Variants in NAALADL2 observed in about 807,000 individuals in gnomAD.
The protein encoded by NAALADL2 is inactive N-acetylated-alpha-linked acidic dipeptidase-like protein 2.
Under a neutral mutation model 87.2 loss-of-function variants are expected in NAALADL2, and 76 were observed. That is an observed-to-expected ratio of 0.87 (90% CI 0.72 to 1.05). NAALADL2 has a LOEUF of 1.05. Among genes scored for constraint, NAALADL2 ranks in the 50% least tolerant of loss-of-function variants. The pLI is 0.00. For synonymous variants in NAALADL2, 354 were observed against 331.0 expected (o/e 1.07, Z -0.75); for missense variants, 1,089 against 945.8 (o/e 1.15, Z -1.99).
chr3:174,608,117 A>G (rs1578298458), intron 2 of NAALADL2, among the ~76,000 whole-genome samples: 7 of 151,872 alleles, frequency 4.6e-5, no homozygotes, highest in East Asian at 2.0e-4. Flanking sequence ...TTTGAAACCA[A>G]CGAGAACAAA....
At chr3:175,800,831 G>A (rs1754059243) in intron 13 of NAALADL2, among the ~76,000 whole-genome samples, 2 of 152,234 alleles carry the variant, frequency 1.3e-5, no homozygotes, top group African/African-American at 2.4e-5. Context: ...GAAGTGTAAA[G>A]CAATGAGATC....
In NAALADL2 at chr3:174,672,526, A is replaced by G. The variant is rs181949055; in HGVS notation, c.-114-65115A>G. Among the ~76,000 whole-genome samples the G allele has an allele frequency of 1.2e-4, 18 of 152,198 alleles. 1 individual carries two copies. The highest frequency in any genetic ancestry group is 4.3e-4 in the African/African-American group (18 of 41,552). ...ATAAGTAAATAAATTAATGTAGTATAAGATCATATCTATATGATGATCATG... is the reference window on the plus strand; with the variant it reads ...ATAAGTAAATAAATTAATGTAGTATGAGATCATATCTATATGATGATCATG... On this transcript the variant is annotated intron_variant, in intron 2 of 3. Coordinates refer to the NAALADL2 transcript ENST00000434257.
chr3:175,159,206 G>GA (rs567370816), intron 2 of NAALADL2, among the ~76,000 whole-genome samples: 1 of 152,204 alleles, frequency 6.6e-6, no homozygotes, highest in African/African-American at 2.4e-5. Context: ...CAAGTGCAAT[G>GA]AAAAAATCAG....
At chr3:175,240,888 C>T (rs189387366) in intron 3 of NAALADL2, among the ~76,000 whole-genome samples, 7 of 152,150 alleles carry the variant, frequency 4.6e-5, no homozygotes, top group South Asian at 2.1e-4. Context: ...CTGGAACTCC[C>T]GACCTCAGGT....
intron 1 of NAALADL2, among the ~76,000 whole-genome samples, chr3:174,984,573 T>TTA (rs1163052081): frequency 6.6e-6 from 1 of 152,186 alleles, no homozygotes; most frequent in Non-Finnish European, 1.5e-5. Flanking sequence ...TTAAAAATCT[T>TTA]TAGCTGATTC....
chr3:174,802,188 C>A (rs569277719), intron 3 of NAALADL2, among the ~76,000 whole-genome samples: 1 of 152,046 alleles, frequency 6.6e-6, no homozygotes, highest in Admixed American at 6.6e-5. Context: ...CTATTTCTTA[C>A]AAACCCATGC....
At chr3:175,519,188 T>C (rs1459389787) in intron 9 of NAALADL2, among the ~76,000 whole-genome samples, 2 of 152,240 alleles carry the variant, frequency 1.3e-5, no homozygotes, top group African/African-American at 4.8e-5. Context: ...ATTTTCTTTA[T>C]GGCCAATTTG....
chr3:175,710,526 G>T lies in NAALADL2; in HGVS notation c.1897-26780G>T, dbSNP rs185884535. On this transcript the variant is annotated intron_variant, in intron 11 of 13. Coordinates refer to ENST00000454872, the MANE Select transcript of NAALADL2 (RefSeq NM_207015.3). Reference sequence around the variant, plus strand: ...TTTCTTCTCTGTAACTATTTCTACAGGATGAGTAAGTAGTTTCTATTATAT... The same window carrying T: ...TTTCTTCTCTGTAACTATTTCTACATGATGAGTAAGTAGTTTCTATTATAT... Among the ~76,000 whole-genome samples the T allele has an allele frequency of 1.5e-4, 22 of 151,514 alleles. No homozygotes were observed. In the East Asian group the frequency reaches 3.9e-3, roughly 27 times the overall value.
At chr3:174,923,429 G>C (rs1349698628) in intron 1 of NAALADL2, among the ~76,000 whole-genome samples, 1 of 152,026 alleles carries the variant, frequency 6.6e-6, no homozygotes, top group Non-Finnish European at 1.5e-5. Flanking sequence ...TTCTTATACA[G>C]TAGAATTCCA....
intron 4 of NAALADL2, among the ~76,000 whole-genome samples, chr3:175,314,188 T>C (rs1187742681): frequency 6.6e-6 from 1 of 151,948 alleles, no homozygotes; most frequent in African/African-American, 2.4e-5. Context: ...ATATTGCTAG[T>C]ACCATGTATT....
At chr3:174,931,293 T>C (rs2108418696) in intron 1 of NAALADL2, among the ~76,000 whole-genome samples, 1 of 152,276 alleles carries the variant, frequency 6.6e-6, no homozygotes, top group African/African-American at 2.4e-5. Flanking sequence ...TCATGGGTTC[T>C]GGAGCCAGGT....
At chr3:174,794,404 A>G (rs2109216979) in intron 3 of NAALADL2, among the ~76,000 whole-genome samples, 1 of 152,264 alleles carries the variant, frequency 6.6e-6, no homozygotes. Context: ...TATCCTTTAC[A>G]TTCTAGGCGT....
intron 1 of NAALADL2, among the ~76,000 whole-genome samples, chr3:174,921,332 A>T (rs975864131): frequency 6.6e-6 from 1 of 152,174 alleles, no homozygotes; most frequent in Non-Finnish European, 1.5e-5. Flanking sequence ...TTTACAACTA[A>T]ATCACTTAAA....
chr3:175,296,384 C>T (rs1240063501), intron 4 of NAALADL2, among the ~76,000 whole-genome samples: 5 of 152,142 alleles, frequency 3.3e-5, no homozygotes, highest in African/African-American at 4.8e-5. Flanking sequence ...CTCAAGGGCT[C>T]AGAAGTAACT....
intron 1 of NAALADL2, among the ~76,000 whole-genome samples, chr3:174,934,641 G>C (rs185866104): frequency 2.0e-5 from 3 of 151,844 alleles, no homozygotes; most frequent in Non-Finnish European, 2.9e-5. Context: ...CTGAGACCTC[G>C]TCTCTATAAA....
Position 175,632,657 on chromosome 3 carries a change from T to C in NAALADL2, c.1896+5271T>C, listed in dbSNP as rs879423204. 2.0e-4 allele frequency among the ~76,000 whole-genome samples: 30 copies of C among 152,174 alleles called. No homozygotes were observed. The Middle Eastern group carries it at 0.01, about 52-fold the overall frequency. On this transcript the variant is annotated intron_variant, in intron 11 of 13. Coordinates refer to ENST00000454872, the MANE Select transcript of NAALADL2 (RefSeq NM_207015.3). ...CAAAGATAATTTTAATAGTTCTATC[T>C]TAAGAAAAGTTGGTATTATTTCATA...
chr3:174,507,967 T>C (rs1719312841), intron 1 of NAALADL2, among the ~76,000 whole-genome samples: 1 of 152,112 alleles, frequency 6.6e-6, no homozygotes, highest in Non-Finnish European at 1.5e-5. Flanking sequence ...TATAACTTTA[T>C]AAAATAAAAA....
intron 2 of NAALADL2, among the ~76,000 whole-genome samples, chr3:175,155,128 C>A (rs1280623648): frequency 6.6e-6 from 1 of 152,056 alleles, no homozygotes; most frequent in African/African-American, 2.4e-5. Context: ...GTAACAAACC[C>A]CTGGAGAGAT....
rs990560242 is a variant in NAALADL2 at position 175,413,688 on chromosome 3, A to T, written c.1091-33541A>T. Among the ~76,000 whole-genome samples, 3 of 152,160 alleles carry T rather than the reference A, an allele frequency of 2.0e-5. No homozygotes were observed. In the East Asian group the frequency reaches 5.8e-4, roughly 29 times the overall value. On this transcript the variant is annotated intron_variant, in intron 5 of 13. Transcript: ENST00000454872. ...TGAGACAAAGGCAGCCTCCAGTTTC[A>T]CTACCTGGACGTCATGGAACAGAGA...
Sources: allele counts gnomAD v4.1 joint callset (sites outside exome capture counted in the v4.1 genomes callset), GRCh38; gene constraint gnomAD v4.1.1; transcripts MANE v1.5; gene names NCBI Gene and HGNC (gene_info 2026-07-23, HGNC 2026-07-21).